CACNA2D1: variants seen among roughly 807,000 people sequenced by gnomAD.
CACNA2D1 encodes voltage-dependent calcium channel subunit alpha-2/delta-1.
A neutral mutation model predicts 171.5 loss-of-function variants in CACNA2D1; 53 were observed. That is an observed-to-expected ratio of 0.31 (90% CI 0.25 to 0.39). The LOEUF is 0.39. Among genes scored for constraint, CACNA2D1 ranks in the 10% least tolerant of loss-of-function variants. The probability of loss-of-function intolerance (pLI) is 1.00; values close to 1 mark genes in which losing one functional copy is unlikely to be tolerated. For missense variants in CACNA2D1, 903 were observed against 1,299.8 expected, an observed-to-expected ratio of 0.69 and a Z score of 4.69; for synonymous variants, 442 against 443.1, an observed-to-expected ratio of 1.00 and a Z score of 0.03.
chr7:82,437,596 T>C (rs1830201875), intron 1 of CACNA2D1, among the ~76,000 whole-genome samples: 1 of 152,188 alleles, frequency 6.6e-6, no homozygotes, highest in South Asian at 2.1e-4. Context: ...TATTGCTTTA[T>C]ATATAACAGC....
At chr7:82,415,593 C>T (rs772459146) in intron 1 of CACNA2D1, among the ~76,000 whole-genome samples, 2 of 152,050 alleles carry the variant, frequency 1.3e-5, no homozygotes, top group African/African-American at 2.4e-5. Flanking sequence ...GGCAACATTG[C>T]ATGTATTCTC....
intron 1 of CACNA2D1, among the ~76,000 whole-genome samples, chr7:82,381,622 T>C (rs941767768): frequency 2.0e-5 from 3 of 152,226 alleles, no homozygotes; most frequent in South Asian, 2.1e-4. Flanking sequence ...CCTGCAGTTA[T>C]GAATCTTCAA....
chr7:82,142,536 GGCT>G (rs1251340243), intron 4 of CACNA2D1, among the ~76,000 whole-genome samples: 1 of 152,098 alleles, frequency 6.6e-6, no homozygotes, highest in Non-Finnish European at 1.5e-5. Context: ...CCAGGAATAA[GGCT>G]TAAATATTGC....
chr7:82,351,644 A>C (rs181650400), intron 1 of CACNA2D1, among the ~76,000 whole-genome samples: 1 of 152,312 alleles, frequency 6.6e-6, no homozygotes, highest in Non-Finnish European at 1.5e-5. Flanking sequence ...AAAATAGAGA[A>C]AAATTGTTAT....
intron 1 of CACNA2D1, among the ~76,000 whole-genome samples, chr7:82,362,881 T>C (rs1585657617): frequency 6.6e-6 from 1 of 152,198 alleles, no homozygotes; most frequent in East Asian, 1.9e-4. Context: ...AAAATTATCA[T>C]GGTAATTCTC....
At chr7:82,267,672 A>G (rs1370483624) in intron 3 of CACNA2D1, among the ~76,000 whole-genome samples, 2 of 152,106 alleles carry the variant, frequency 1.3e-5, no homozygotes, top group African/African-American at 4.8e-5. Context: ...TACTGAATTG[A>G]AGAAACGAAA....
chr7:82,216,012 G>C (rs911824257), intron 3 of CACNA2D1, among the ~76,000 whole-genome samples: 4 of 152,006 alleles, frequency 2.6e-5, no homozygotes, highest in African/African-American at 9.7e-5. Flanking sequence ...ATCTTAACTA[G>C]TCAAAAATCA....
chr7:81,971,010 T>C (rs577092727), intron 26 of CACNA2D1: 13 of 434,772 alleles, frequency 3.0e-5, no homozygotes, highest in African/African-American at 2.2e-4. Flanking sequence ...GTATCACTTG[T>C]AGAGAGGAAT....
At chr7:82,244,944 T>A (rs1585205147) in intron 3 of CACNA2D1, among the ~76,000 whole-genome samples, 1 of 152,328 alleles carries the variant, frequency 6.6e-6, no homozygotes, top group Non-Finnish European at 1.5e-5. Context: ...AGTATTATTT[T>A]AAAATGCATA....
intron 5 of CACNA2D1, among the ~76,000 whole-genome samples, chr7:82,121,890 T>C (rs903430457): frequency 2.8e-4 from 43 of 152,240 alleles, no homozygotes; most frequent in Non-Finnish European, 4.7e-4. Flanking sequence ...CTGGAAAAAC[T>C]GTAGCATTGA....
chr7:82,288,897 G>C (rs73374386), intron 3 of CACNA2D1, among the ~76,000 whole-genome samples: 18,819 of 152,132 alleles, frequency 0.12, 3,879 homozygotes, highest in African/African-American at 0.43. Flanking sequence ...TGTTATGACA[G>C]TCATAGATCT....
chr7:82,056,196 A>T (rs1435579183), intron 10 of CACNA2D1, among the ~76,000 whole-genome samples: 2 of 151,908 alleles, frequency 1.3e-5, no homozygotes, highest in East Asian at 3.9e-4. Context: ...GCAAAATATA[A>T]CTGGCCATCA....
chr7:82,109,737 T>C, intron 6 of CACNA2D1, among the ~76,000 whole-genome samples: 1 of 152,230 alleles, frequency 6.6e-6, no homozygotes, highest in East Asian at 1.9e-4. Context: ...ACTTTGCTAT[T>C]TGGGGATTTA....
chr7:82,066,629 T>G (rs1036519407), intron 7 of CACNA2D1, 105 bp from the exon 8 acceptor site: 2 of 1,445,924 alleles, frequency 1.4e-6, no homozygotes, highest in Non-Finnish European at 1.8e-6. Flanking sequence ...ATAATTTCAC[T>G]TACGTACTTC....
intron 3 of CACNA2D1, among the ~76,000 whole-genome samples, chr7:82,290,553 G>T (rs1811388406): frequency 6.9e-6 from 1 of 145,336 alleles, no homozygotes; most frequent in Non-Finnish European, 1.5e-5. Context: ...CAATTTAAAA[G>T]TCAATGAGTA....
At position 82,350,239 on chromosome 7, in the gene CACNA2D1, A is replaced by G. The variant is rs1819698098; in HGVS notation, c.96-590T>C. Among the ~76,000 whole-genome samples, 4 of 152,216 alleles carry G rather than the reference A, an allele frequency of 2.6e-5. No individual in the cohort carries two copies. In the South Asian group the frequency reaches 6.2e-4, roughly 24 times the overall value. On this transcript the variant is annotated intron_variant, in intron 1 of 38. Coordinates refer to ENST00000356860, the MANE Select transcript of CACNA2D1 (RefSeq NM_000722.4). ...ACATTTTATTTTTAATGGCCACTTA[A>G]TATTCCATTATCTCTATATTCCATA...
chr7:82,396,582 T>C (rs1176448506), intron 1 of CACNA2D1, among the ~76,000 whole-genome samples: 1 of 152,240 alleles, frequency 6.6e-6, no homozygotes. Flanking sequence ...CTTCTTTACG[T>C]CTAAATAGCT....
At chr7:82,392,468 A>T (rs1391980008) in intron 1 of CACNA2D1, among the ~76,000 whole-genome samples, 2 of 152,166 alleles carry the variant, frequency 1.3e-5, no homozygotes, top group Non-Finnish European at 2.9e-5. Context: ...AGAACCATCA[A>T]ACATGGGTAC....
At chr7:82,032,377 C>G (rs1458921078) in intron 12 of CACNA2D1, among the ~76,000 whole-genome samples, 1 of 151,696 alleles carries the variant, frequency 6.6e-6, no homozygotes, top group South Asian at 2.1e-4. Flanking sequence ...CAAAACAATA[C>G]TTAGACATTT....
Sources: allele counts gnomAD v4.1 joint callset (sites outside exome capture counted in the v4.1 genomes callset), GRCh38; gene constraint gnomAD v4.1.1; transcripts MANE v1.5; gene names NCBI Gene and HGNC (gene_info 2026-07-23, HGNC 2026-07-21).